Variants in DCAF4 observed in about 807,000 individuals in gnomAD.
The protein encoded by DCAF4 is DDB1- and CUL4-associated factor 4.
DCAF4 carries 37 observed loss-of-function variants against 60.9 expected under a neutral mutation model. The observed-to-expected ratio is 0.61, with a 90% CI of 0.47 to 0.80. The LOEUF is 0.80. Among genes scored for constraint, DCAF4 ranks in the 30% least tolerant of loss-of-function variants. The pLI, the probability that DCAF4 is intolerant of heterozygous loss-of-function variation, is 0.00. For synonymous variants in DCAF4, 243 were observed against 254.8 expected (o/e 0.95, Z 0.44); for missense variants, 577 against 650.0 (o/e 0.89, Z 1.22).
intron 6 of DCAF4, among the ~76,000 whole-genome samples, chr14:72,944,491 G>A (rs1371314917): frequency 6.6e-6 from 1 of 152,120 alleles, no homozygotes; most frequent in Non-Finnish European, 1.5e-5. Flanking sequence ...AATGAGAAAA[G>A]AAAAGCTTAA....
chr14:72,953,732 A>T (rs10149638), intron 9 of DCAF4, among the ~76,000 whole-genome samples: 6,515 of 21,534 alleles, frequency 0.3, 1,034 homozygotes, highest in South Asian at 0.39. Context: ...AAAAAAAAAA[A>T]ATATATATAT....
At chr14:72,947,743 A>C (rs1214426278) in intron 8 of DCAF4, among the ~76,000 whole-genome samples, 2 of 152,190 alleles carry the variant, frequency 1.3e-5, no homozygotes, top group Non-Finnish European at 2.9e-5. Context: ...TTCCTTTGGC[A>C]GTGGACATGG....
chr14:72,952,033 A>G (rs1475005868), intron 9 of DCAF4, among the ~76,000 whole-genome samples, 156 bp downstream of exon 9: 1 of 150,502 alleles, frequency 6.6e-6, no homozygotes, highest in African/African-American at 2.4e-5. Flanking sequence ...TGTTTTTTTT[A>G]CAGCATCTGC....
At position 72,955,512 on chromosome 14, in the gene DCAF4, T is replaced by C. The variant is rs763052231; in HGVS notation, c.1006-11T>C. On this transcript the variant is annotated splice_polypyrimidine_tract_variant and intron_variant, in intron 11 of 13. Coordinates refer to ENST00000358377, the MANE Select transcript of DCAF4 (RefSeq NM_015604.4). ...TGATAGCCAGGCACTGAGCAGTCCC[T>C]CTTTCCACAGGCTCCTCTGCTGTTT... is the stretch of plus-strand genomic sequence containing the variant. 3 of 1,612,198 alleles carry C rather than the reference T, an allele frequency of 1.9e-6. No individual in the cohort carries two copies. In the East Asian group the frequency reaches 6.7e-5, roughly 36 times the overall value.
intron 11 of DCAF4, 90 bp from the exon 12 acceptor site, chr14:72,955,432 TG>T: frequency 1.4e-6 from 2 of 1,470,700 alleles, no homozygotes. Flanking sequence ...ACCCAGAGGC[TG>T]GAAGAGGGGT....
chr14:72,940,884 C>T (rs1889959650), intron 4 of DCAF4, among the ~76,000 whole-genome samples: 1 of 152,106 alleles, frequency 6.6e-6, no homozygotes, highest in African/African-American at 2.4e-5. Context: ...AGCCACCACA[C>T]CCAGCCTTCT....
chr14:72,960,815 C>A, downstream of DCAF4: 1 of 261,096 alleles, frequency 3.8e-6, no homozygotes, highest in Non-Finnish European at 6.1e-6. Context: ...CATACACAAG[C>A]AGATGGTGGC....
In DCAF4 at chr14:72,926,514, A is replaced by G. The variant is rs1227526528; in HGVS notation, c.-38A>G. On this transcript the variant is annotated 5_prime_UTR_variant, in exon 1 of 14. Transcript: ENST00000358377. ...TCCAACTCCTGCAGAGCTGAGCCGG[A>G]GGGGAATCCGGAAGGGACACGCTGA... 1 of 152,308 alleles carries G rather than the reference A, an allele frequency of 6.6e-6. No homozygotes were observed. The allele number at this position is 152,308 out of a possible 1,614,324, so 9.4% of individuals were successfully genotyped here.
At chr14:72,936,657 G>A (rs975982521) in intron 1 of DCAF4, among the ~76,000 whole-genome samples, 4 of 152,100 alleles carry the variant, frequency 2.6e-5, no homozygotes, top group Admixed American at 1.3e-4. Flanking sequence ...AGAGCAGATC[G>A]GGGGTTAGAG....
chr14:72,946,171 T>G, intron 7 of DCAF4, 144 bp downstream of exon 7: 2 of 1,053,660 alleles, frequency 1.9e-6, no homozygotes, highest in Non-Finnish European at 2.7e-6. Context: ...TACTTGAGCC[T>G]AGGAGTTTCA....
At chr14:72,960,329 AG>A (rs1331718393), downstream of DCAF4, among the ~76,000 whole-genome samples, 3 of 152,038 alleles carry the variant, frequency 2.0e-5, no homozygotes, top group African/African-American at 7.2e-5. Flanking sequence ...TTGTATTTTT[AG>A]TAGAGATGGG....
At position 72,945,510 on chromosome 14, in the gene DCAF4, C is replaced by G. The variant is rs1890617580; in HGVS notation, c.535-374C>G. ...AAAAATAGTGCCTATGTAATAGGAA[C>G]TAGCATTTTTCCTATTGCGCCACAG... On this transcript the variant is annotated intron_variant, in intron 6 of 13. Coordinates refer to ENST00000358377, the MANE Select transcript of DCAF4 (RefSeq NM_015604.4). 4.6e-5 allele frequency among the ~76,000 whole-genome samples: 7 copies of G among 150,732 alleles called. No homozygotes were observed. The South Asian group carries it at 1.3e-3, about 27-fold the overall frequency.
At position 72,956,486 on chromosome 14, in the gene DCAF4, G is replaced by C. The variant is rs781316555; in HGVS notation, c.1280G>C (p.Gly427Ala). 10 of 1,612,086 alleles carry C rather than the reference G, an allele frequency of 6.2e-6. No homozygotes were observed. In the Admixed American group the frequency reaches 1.7e-4, roughly 27 times the overall value. The change falls in exon 13 of 14, where the codon GGA (glycine) becomes GCA (alanine). Residue 427 changes from glycine (G) to alanine (A), a missense_variant. Physicochemically the swap from Gly to Ala is moderately conservative, Grantham distance 60. Transcript: ENST00000358377. Reference sequence around the variant, plus strand: ...CCCCTGCATGTGCACGAGGAAGAAGGAATCCTGGTGGCAGGTACTTGAGGA... The same window carrying C: ...CCCCTGCATGTGCACGAGGAAGAAGCAATCCTGGTGGCAGGTACTTGAGGA... Reference protein sequence around the residue: ...YLPLHVHEEEGILVAVGQDCY... With the variant: ...YLPLHVHEEEAILVAVGQDCY...
chr14:72,940,429 G>A (rs750237205), intron 4 of DCAF4, 52 bp downstream of exon 4: 1 of 1,551,102 alleles, frequency 6.4e-7, no homozygotes, highest in Non-Finnish European at 8.7e-7. Context: ...GCCAGCACCT[G>A]TCCATCCACT....
At chr14:72,943,761 A>G (rs1262975874) in intron 6 of DCAF4, among the ~76,000 whole-genome samples, 3 of 152,166 alleles carry the variant, frequency 2.0e-5, no homozygotes, top group African/African-American at 4.8e-5. Flanking sequence ...GGCAAGCCCT[A>G]TCCTTCCTGG....
chr14:72,946,227 C>CA (rs77222663), intron 7 of DCAF4, among the ~76,000 whole-genome samples, 200 bp downstream of exon 7: 406 of 69,890 alleles, frequency 5.8e-3, no homozygotes, highest in Middle Eastern at 0.011. Flanking sequence ...CTTGTCTCTA[C>CA]AAAAAAAAAA....
chr14:72,933,078 G>T (rs1421957838), intron 1 of DCAF4, among the ~76,000 whole-genome samples: 1 of 152,186 alleles, frequency 6.6e-6, no homozygotes, highest in Non-Finnish European at 1.5e-5. Flanking sequence ...AAGCTGCCCT[G>T]CGCATTGTAG....
intron 1 of DCAF4, among the ~76,000 whole-genome samples, chr14:72,931,263 C>CTCT (rs1888539722): frequency 1.6e-5 from 2 of 126,800 alleles, no homozygotes; most frequent in Admixed American, 1.7e-4. Context: ...TACTTTTTCT[C>CTCT]TTTTTTTTTT....
At chr14:72,937,608 A>G (rs1362312792) in intron 1 of DCAF4, among the ~76,000 whole-genome samples, 2 of 151,848 alleles carry the variant, frequency 1.3e-5, no homozygotes, top group African/African-American at 2.4e-5. Flanking sequence ...TTTAGTAGAG[A>G]TGGGGTTTCA....
Sources: gnomAD v4.1 joint callset for allele counts (sites outside exome capture counted in the v4.1 genomes callset) on GRCh38, gnomAD v4.1.1 for gene constraint, MANE v1.5 for transcripts, NCBI Gene and HGNC (gene_info 2026-07-23, HGNC 2026-07-21) for gene names.